GON4L: variants seen among roughly 807,000 people sequenced by gnomAD.
GON4L encodes the protein gon-4 like.
GON4L carries 87 observed loss-of-function variants against 211.8 expected under a neutral mutation model. The observed-to-expected ratio is 0.41, with a 90% CI of 0.35 to 0.49. GON4L has a LOEUF of 0.49. GON4L is among the 20% of genes least tolerant of loss of function. The pLI is 0.15. For synonymous variants in GON4L, 875 were observed against 962.6 expected, an observed-to-expected ratio of 0.91 and a Z score of 1.68; for missense variants, 2,155 against 2,659.5, an observed-to-expected ratio of 0.81 and a Z score of 4.17.
chr1:155,856,804 G>C (rs922839109), intron 1 of GON4L, among the ~76,000 whole-genome samples: 3 of 152,158 alleles, frequency 2.0e-5, no homozygotes, highest in Non-Finnish European at 4.4e-5. Context: ...AAGAAAGACA[G>C]CTACTTCAGC....
rs753349275 is a variant in GON4L at position 155,777,677 on chromosome 1, T to C, written c.2036A>G (p.Gln679Arg). 2.5e-6 allele frequency: 4 copies of C among 1,613,878 alleles called. No homozygotes were observed. Among genetic ancestry groups the C allele is most frequent in the Non-Finnish European group, 2.5e-6 (3 of 1,179,756 alleles). ...CTGTGCTGGGTCCAGAATCAGAGTC[T>C]GATGAACTTTCTCACTCTGGGGTTT... Reference protein sequence around the residue: ...KVKPQSEKVHQTLILDPAQRK... With the variant: ...KVKPQSEKVHRTLILDPAQRK... The change falls in exon 15 of 32, where the codon CAG becomes CGG. Residue 679 changes from glutamine to arginine, a missense_variant. Physicochemically the swap from Gln to Arg is conservative, Grantham distance 43 (BLOSUM62 1). This residue lies in a region of GON4L where 551 missense variants were observed against 854.0 expected (regional missense o/e 0.65). Coordinates refer to ENST00000368331, the MANE Select transcript of GON4L (RefSeq NM_001282860.2).
rs117460250 is a variant in GON4L, at chr1:155,807,752, T to C, written c.1453-2611A>G. ...AAAATCAGAAAGTGTGAGACCTCCA[T>C]CTTTGTACTTTTTAAAGACTGTTTT... On this transcript the variant is annotated intron_variant, in intron 10 of 31. Coordinates refer to ENST00000368331, the MANE Select transcript of GON4L (RefSeq NM_001282860.2). Among the ~76,000 whole-genome samples the C allele has an allele frequency of 8.0e-5, 11 of 137,236 alleles. No individual in the cohort carries two copies. In the East Asian group the frequency reaches 2.5e-3, roughly 32 times the overall value. 90.0% of individuals were successfully genotyped at this position (137,236 alleles called of 152,430 possible).
intron 10 of GON4L, among the ~76,000 whole-genome samples, chr1:155,808,124 C>T (rs2102117347): frequency 6.6e-6 from 1 of 151,928 alleles, no homozygotes; most frequent in African/African-American, 2.4e-5. Flanking sequence ...GCAACCTCCA[C>T]TCCCCACATT....
chr1:155,767,674 C>A, intron 19 of GON4L, 133 bp from the exon 20 acceptor site: 5 of 1,588,282 alleles, frequency 3.1e-6, no homozygotes. Flanking sequence ...AGACCACATA[C>A]ACAAACATCC....
rs745365801 is a variant in GON4L, at chr1:155,752,298, C to T, written c.6135G>A (p.Val2045=). The T allele has an allele frequency of 2.7e-5, 43 of 1,587,036 alleles. 1 individual carries two copies. The Middle Eastern group carries it at 3.2e-3, about 118-fold the overall frequency. ...ASETEKLPGT[V]EPPASFLSPV... is the part of the protein sequence containing the mutation. ...GACTCAGGAAGGAAGCAGGGGGTTC[C>T]ACGGTACCAGGCAATTTCTCAGTTT... Residue 2045 remains valine (V), a synonymous_variant, in exon 30 of 32, where the codon GTG becomes GTA. Transcript: ENST00000368331.
intron 2 of GON4L, among the ~76,000 whole-genome samples, chr1:155,828,875 T>C (rs1300737726): frequency 6.7e-6 from 1 of 149,386 alleles, no homozygotes; most frequent in Non-Finnish European, 1.5e-5. Flanking sequence ...CTTGCATATA[T>C]ACAGAAAATC....
At chr1:155,748,094 G>C, downstream of GON4L, 1 of 1,608,726 alleles carries the variant, frequency 6.2e-7, no homozygotes, top group South Asian at 1.1e-5. Context: ...TGCGACCTGA[G>C]CCACCTGTCA....
chr1:155,852,524 G>C (rs1266352800), intron 2 of GON4L, among the ~76,000 whole-genome samples: 1 of 148,526 alleles, frequency 6.7e-6, no homozygotes, highest in Non-Finnish European at 1.5e-5. Context: ...GGCGGATCAC[G>C]AGGTCAGGAG....
intron 1 of GON4L, 52 bp from the exon 2 acceptor site, chr1:155,853,858 A>T: frequency 9.4e-7 from 1 of 1,059,362 alleles, no homozygotes. Context: ...AAGTAATAAC[A>T]TTTACTCAAT....
chr1:155,766,994 C>T (rs1047803625), intron 20 of GON4L: 5 of 544,262 alleles, frequency 9.2e-6, no homozygotes, highest in South Asian at 4.0e-5. Flanking sequence ...TGCGAGAAGC[C>T]GAGATCGCAC....
At chr1:155,833,415 C>T (rs1417416443) in intron 2 of GON4L, among the ~76,000 whole-genome samples, 3 of 151,648 alleles carry the variant, frequency 2.0e-5, no homozygotes, top group Non-Finnish European at 4.4e-5. Flanking sequence ...TTTGGGAGGC[C>T]GAGGCGGGCA....
chr1:155,813,919 T>C (rs1281766063), intron 9 of GON4L, 115 bp from the exon 10 acceptor site: 1 of 793,960 alleles, frequency 1.3e-6, no homozygotes, highest in African/African-American at 1.7e-5. Context: ...ACCATTGTCC[T>C]TTCTCTTCTC....
At chr1:155,753,487 A>C in intron 28 of GON4L, 73 bp from the exon 29 acceptor site, 7 of 1,110,848 alleles carry the variant, frequency 6.3e-6, no homozygotes, top group Non-Finnish European at 9.4e-6. Flanking sequence ...CCAAAGGAAG[A>C]AGCCCTGCCT....
rs1438587314 is a variant in GON4L at position 155,785,354 on chromosome 1, T to A, written c.1768A>T (p.Met590Leu). ...CTCACAGTTTCAAACAGCTCTTCCA[T>A]CAGCTCATTTACTTCCTTTTCTGCA... ...RITKKEVNEL[M>L]EELFETFQDE... The change falls in exon 13 of 32, where the codon ATG becomes TTG. Residue 590 changes from methionine to leucine, a missense_variant. Around this residue, in one of 6 missense-constraint regions of GON4L, gnomAD observed 551 missense variants for 854.0 expected, o/e 0.65. Coordinates refer to ENST00000368331, the MANE Select transcript of GON4L (RefSeq NM_001282860.2). 14 of 1,600,838 alleles carry A rather than the reference T, an allele frequency of 8.7e-6. No homozygotes were observed. Among genetic ancestry groups the A allele is most frequent in the East Asian group, 4.5e-5 (2 of 44,812 alleles).
chr1:155,852,753 GAAGA>G (rs765507561), intron 2 of GON4L, among the ~76,000 whole-genome samples: 14 of 151,878 alleles, frequency 9.2e-5, no homozygotes, highest in Non-Finnish European at 1.3e-4. Flanking sequence ...AAAAAAGAAA[GAAGA>G]AAGGGGTACA....
In GON4L at chr1:155,775,083, T is replaced by C; in HGVS notation, c.2269A>G (p.Met757Val). ...FQTLFQPCNL[M>V]GAMQLIEDFS... The stretch of plus-strand genomic sequence containing the variant: ...TCTTCAATCAGCTGCATAGCTCCCA[T>C]CAAGTTACAGGGTTGGAACAGGGTC... The change falls in exon 17 of 32, where the codon ATG (methionine) becomes GTG (valine). Residue 757 changes from methionine to valine, a missense_variant. Met to Val is a conservative substitution (Grantham distance 21). Around this residue, in one of 6 missense-constraint regions of GON4L, gnomAD observed 551 missense variants for 854.0 expected, o/e 0.65. Transcript: ENST00000368331. 1.2e-6 allele frequency: 2 copies of C among 1,613,812 alleles called. No homozygotes were observed. The highest frequency in any genetic ancestry group is 1.7e-6 in the Non-Finnish European group (2 of 1,179,740).
intron 2 of GON4L, among the ~76,000 whole-genome samples, chr1:155,850,026 G>A (rs989509687): frequency 1.3e-5 from 2 of 149,016 alleles, no homozygotes; most frequent in East Asian, 3.9e-4. Flanking sequence ...AAAAGGAAAG[G>A]CATGGGGAGA....
chr1:155,753,192 C>T lies in GON4L; in HGVS notation c.5842+12G>A. 1 of 1,592,712 alleles carries T rather than the reference C, an allele frequency of 6.3e-7. No homozygotes were observed. The highest frequency in any genetic ancestry group is 1.1e-5 in the South Asian group (1 of 90,242). Reference sequence around the variant, plus strand: ...CTGAGGAACAGAAGGGCTGCGTTGGCAAATCACTCACCTGAAACAGGCATC... The same window carrying T: ...CTGAGGAACAGAAGGGCTGCGTTGGTAAATCACTCACCTGAAACAGGCATC... On this transcript the variant is annotated intron_variant, in intron 29 of 31. Transcript: ENST00000368331.
At chr1:155,756,791 G>A (rs953418932) in intron 27 of GON4L, 167 bp downstream of exon 27, 57 of 591,226 alleles carry the variant, frequency 9.6e-5, no homozygotes, top group Non-Finnish European at 9.6e-5. Flanking sequence ...TGGGCGTGGT[G>A]GCTGGCGCCT....
Sources: allele counts gnomAD v4.1 joint callset (sites outside exome capture counted in the v4.1 genomes callset), GRCh38; gene constraint gnomAD v4.1.1; regional missense constraint gnomAD v4.1.1; transcripts MANE v1.5; gene names NCBI Gene and HGNC (gene_info 2026-07-23, HGNC 2026-07-21).